Variants in ANK3 observed in about 807,000 individuals in gnomAD.
ANK3 encodes ankyrin 3.
A neutral mutation model predicts 370.9 loss-of-function variants in ANK3; 57 were observed. The observed-to-expected ratio is 0.15, with a 90% CI of 0.12 to 0.19. The LOEUF (loss-of-function observed/expected upper bound fraction) is 0.19, where lower values mean the gene tolerates loss of function less well. ANK3 is among the 10% of genes least tolerant of loss of function. The pLI, the probability that ANK3 is intolerant of heterozygous loss-of-function variation, is 1.00. For missense variants in ANK3, 4,439 were observed against 5,302.1 expected, an observed-to-expected ratio of 0.84 and a Z score of 5.06; for synonymous variants, 1,929 against 1,946.3, an observed-to-expected ratio of 0.99 and a Z score of 0.23.
chr10:60,127,271 A>ATT (rs2093811705), intron 25 of ANK3, among the ~76,000 whole-genome samples: 1 of 152,200 alleles, frequency 6.6e-6, no homozygotes, highest in Admixed American at 6.5e-5. Context: ...AACGGCCAGA[A>ATT]TTGGGTCTCA....
At chr10:60,099,890 C>T (rs1207921986) in intron 28 of ANK3, among the ~76,000 whole-genome samples, 2 of 152,086 alleles carry the variant, frequency 1.3e-5, no homozygotes, top group East Asian at 1.9e-4. Flanking sequence ...TGATGTCCAA[C>T]CTCGTGGACC....
chr10:60,232,980 G>T (rs576332538), intron 8 of ANK3, among the ~76,000 whole-genome samples: 2 of 152,350 alleles, frequency 1.3e-5, no homozygotes, highest in South Asian at 4.1e-4. Flanking sequence ...GCACAGGATT[G>T]CAGGAGTTGC....
At chr10:60,653,123 T>A (rs1676274824) in intron 1 of ANK3, among the ~76,000 whole-genome samples, 3 of 152,164 alleles carry the variant, frequency 2.0e-5, no homozygotes. Context: ...TTCTTAATAT[T>A]TTTCAAGAAG....
At chr10:60,663,844 A>G (rs972613215) in intron 1 of ANK3, among the ~76,000 whole-genome samples, 6 of 152,212 alleles carry the variant, frequency 3.9e-5, no homozygotes, top group African/African-American at 9.6e-5. Context: ...CACAAATCGT[A>G]TTTTATTTAT....
At chr10:60,349,656 G>T (rs1263964319) in intron 1 of ANK3, among the ~76,000 whole-genome samples, 1 of 152,130 alleles carries the variant, frequency 6.6e-6, no homozygotes, top group African/African-American at 2.4e-5. Flanking sequence ...AAAGCCACAT[G>T]AACCCTAATT....
intron 1 of ANK3, among the ~76,000 whole-genome samples, chr10:60,699,194 T>C (rs1225217593): frequency 1.3e-5 from 2 of 151,862 alleles, no homozygotes; most frequent in Admixed American, 6.6e-5. Context: ...GCTCGGGTGA[T>C]GGGTGCACCA....
At chr10:60,218,097 C>CTTTTTTTTTTTTTTT (rs199989242) in intron 8 of ANK3, among the ~76,000 whole-genome samples, 32 of 126,154 alleles carry the variant, frequency 2.5e-4, no homozygotes, top group African/African-American at 4.8e-4. Context: ...CTTTTTCTTT[C>CTTTTTTTTTTTTTTT]TTTTTTTTTT....
At chr10:60,293,691 A>G (rs987638842) in intron 1 of ANK3, among the ~76,000 whole-genome samples, 1 of 152,202 alleles carries the variant, frequency 6.6e-6, no homozygotes, top group African/African-American at 2.4e-5. Flanking sequence ...CATTAAACAT[A>G]AAATGAAACG....
chr10:60,425,035 G>T (rs1340023566), intron 2 of ANK3, among the ~76,000 whole-genome samples: 1 of 152,048 alleles, frequency 6.6e-6, no homozygotes, highest in Non-Finnish European at 1.5e-5. Context: ...AAGCAGCAAA[G>T]ATATGAAAAG....
intron 2 of ANK3, among the ~76,000 whole-genome samples, chr10:60,509,222 T>G (rs948431383): frequency 6.6e-6 from 1 of 151,868 alleles, no homozygotes; most frequent in Non-Finnish European, 1.5e-5. Flanking sequence ...ATATGCAAAA[T>G]AGTGAAGCAC....
chr10:60,323,025 T>C (rs533360144), intron 1 of ANK3, among the ~76,000 whole-genome samples: 2 of 152,088 alleles, frequency 1.3e-5, no homozygotes, highest in Non-Finnish European at 2.9e-5. Flanking sequence ...TCTTTGGATA[T>C]CCCCACAAGC....
At chr10:60,263,724 T>C (rs1034837494) in intron 6 of ANK3, 111 bp downstream of exon 6, 9 of 1,215,744 alleles carry the variant, frequency 7.4e-6, no homozygotes, top group African/African-American at 3.0e-5. Flanking sequence ...CTCCCTTCAA[T>C]GAAGTTAAAG....
At chr10:60,033,899 A>C in intron 43 of ANK3, among the ~76,000 whole-genome samples, 1 of 152,124 alleles carries the variant, frequency 6.6e-6, no homozygotes, top group East Asian at 1.9e-4. Context: ...GCCACATCCC[A>C]TACCAGTTTA....
intron 27 of ANK3, chr10:60,108,040 G>T: frequency 8.7e-6 from 2 of 228,794 alleles, no homozygotes; most frequent in Non-Finnish European, 1.8e-5. Flanking sequence ...TTCTTTCAGT[G>T]ACACACATCA....
chr10:60,679,296 CT>C (rs2079164064), intron 1 of ANK3, among the ~76,000 whole-genome samples: 1 of 152,114 alleles, frequency 6.6e-6, no homozygotes, highest in Non-Finnish European at 1.5e-5. Flanking sequence ...GAGGGCCCCC[CT>C]CCCACCAGGA....
At chr10:60,049,870 C>T (rs1238254277) in intron 42 of ANK3, among the ~76,000 whole-genome samples, 1 of 152,078 alleles carries the variant, frequency 6.6e-6, no homozygotes, top group Non-Finnish European at 1.5e-5. Flanking sequence ...ACTTCTTTAT[C>T]CCCGCCTTCC....
At chr10:60,206,646 C>T (rs2096767780) in intron 10 of ANK3, among the ~76,000 whole-genome samples, 1 of 152,170 alleles carries the variant, frequency 6.6e-6, no homozygotes, top group African/African-American at 2.4e-5. Flanking sequence ...TTGATTTCTT[C>T]TCTAGCTTTA....
chr10:60,418,426 C>T (rs977086060), intron 2 of ANK3, among the ~76,000 whole-genome samples: 1 of 152,084 alleles, frequency 6.6e-6, no homozygotes, highest in African/African-American at 2.4e-5. Flanking sequence ...GCCCAAGTAC[C>T]CTTTGTCTTT....
At chr10:60,107,252 T>A (rs1366812474) in intron 27 of ANK3, among the ~76,000 whole-genome samples, 1 of 152,168 alleles carries the variant, frequency 6.6e-6, no homozygotes, top group African/African-American at 2.4e-5. Flanking sequence ...TATTAATAAT[T>A]TCAAGATTAA....
Sources: gnomAD v4.1 joint callset for allele counts (sites outside exome capture counted in the v4.1 genomes callset) on GRCh38, gnomAD v4.1.1 for gene constraint, MANE v1.5 for transcripts, NCBI Gene and HGNC (gene_info 2026-07-23, HGNC 2026-07-21) for gene names.